The following DSE variants were observed in gnomAD, a reference collection of about 807,000 sequenced individuals.
The protein encoded by DSE is dermatan-sulfate epimerase.
Under a neutral mutation model 84.4 loss-of-function variants are expected in DSE, and 36 were observed. The ratio of observed to expected loss-of-function variants is 0.43; its 90% CI spans 0.33 to 0.56. The LOEUF (loss-of-function observed/expected upper bound fraction) is 0.56, where lower values mean the gene tolerates loss of function less well. DSE is among the 20% of genes least tolerant of loss of function. DSE has a pLI of 0.06. For synonymous variants in DSE, 410 were observed against 430.1 expected, an observed-to-expected ratio of 0.95 and a Z score of 0.58; for missense variants, 862 against 1,169.6, an observed-to-expected ratio of 0.74 and a Z score of 3.84.
At chr6:116,414,966 T>C (rs960356662) in intron 2 of DSE, among the ~76,000 whole-genome samples, 1 of 152,248 alleles carries the variant, frequency 6.6e-6, no homozygotes, top group Admixed American at 6.5e-5. Flanking sequence ...TTTGAAGAAG[T>C]AATGCTGCAT....
At chr6:116,322,168 C>T (rs1042902301) in intron 2 of DSE, among the ~76,000 whole-genome samples, 1 of 151,964 alleles carries the variant, frequency 6.6e-6, no homozygotes, top group Non-Finnish European at 1.5e-5. Context: ...TAGATCAGAA[C>T]AAAACAGGAT....
chr6:116,417,976 G>A (rs891477864), intron 2 of DSE, among the ~76,000 whole-genome samples: 3 of 152,160 alleles, frequency 2.0e-5, no homozygotes, highest in Non-Finnish European at 4.4e-5. Flanking sequence ...TTGTACAGAG[G>A]TGAATAGGCA....
In DSE at chr6:116,282,436, A is replaced by G. The variant is rs1264402953; in HGVS notation, c.-54+23469A>G. Among the ~76,000 whole-genome samples, 4 of 152,168 alleles carry G rather than the reference A, an allele frequency of 2.6e-5. No individual in the cohort carries two copies. In the East Asian group the frequency reaches 7.7e-4, roughly 29 times the overall value. On this transcript the variant is annotated intron_variant, in intron 2 of 3. Transcript: ENST00000430252. ...GGCTTTATTTGTCAAAGAAGCCATT[A>G]TGTAATTAATGTAATTAACACTCTT...
At chr6:116,409,589 T>C (rs564662321) in intron 2 of DSE, among the ~76,000 whole-genome samples, 3 of 152,316 alleles carry the variant, frequency 2.0e-5, no homozygotes, top group Non-Finnish European at 4.4e-5. Context: ...AATATAAGTT[T>C]ATTGTATACT....
intron 2 of DSE, among the ~76,000 whole-genome samples, chr6:116,406,890 C>T (rs1303751281): frequency 1.3e-5 from 2 of 152,068 alleles, no homozygotes; most frequent in Admixed American, 6.5e-5. Flanking sequence ...GTTTAGAAAG[C>T]TTTCTGTTTA....
At chr6:116,329,140 A>G (rs938244249) in intron 2 of DSE, among the ~76,000 whole-genome samples, 2 of 152,216 alleles carry the variant, frequency 1.3e-5, no homozygotes, top group African/African-American at 2.4e-5. Flanking sequence ...ATTACTTATT[A>G]TTTAATAAAC....
intron 2 of DSE, among the ~76,000 whole-genome samples, chr6:116,292,090 A>G (rs1244408198): frequency 1.3e-5 from 2 of 152,168 alleles, no homozygotes; most frequent in Non-Finnish European, 2.9e-5. Flanking sequence ...GTTTACAGTT[A>G]GACTTGGAAA....
intron 2 of DSE, among the ~76,000 whole-genome samples, chr6:116,337,442 T>C (rs1425727362): frequency 6.6e-6 from 1 of 152,144 alleles, no homozygotes; most frequent in East Asian, 1.9e-4. Flanking sequence ...AAACACCGTC[T>C]CTACTAAAAC....
chr6:116,355,016 CACAT>C (rs747426887), intron 2 of DSE, among the ~76,000 whole-genome samples: 37 of 152,290 alleles, frequency 2.4e-4, no homozygotes, highest in Non-Finnish European at 4.4e-4. Context: ...TTTACATAGA[CACAT>C]ACATATATAA....
intron 1 of DSE, among the ~76,000 whole-genome samples, chr6:116,374,550 A>G (rs568901999): frequency 1.3e-5 from 2 of 152,268 alleles, no homozygotes; most frequent in East Asian, 1.9e-4. Flanking sequence ...TCTATTTCCT[A>G]TTGTTTATAA....
chr6:116,388,942 A>G (rs748644272), intron 1 of DSE, among the ~76,000 whole-genome samples: 16 of 152,214 alleles, frequency 1.1e-4, no homozygotes, highest in Non-Finnish European at 2.2e-4. Flanking sequence ...CAAATATTCT[A>G]TATTTCTCAA....
chr6:116,433,269 A>G (rs748077741), intron 4 of DSE, 74 bp from the exon 5 acceptor site: 57 of 1,399,326 alleles, frequency 4.1e-5, no homozygotes, highest in Non-Finnish European at 5.3e-5. Context: ...TAGATTTGAA[A>G]AGTCATTGTT....
intron 2 of DSE, among the ~76,000 whole-genome samples, chr6:116,332,485 TGAATA>T (rs1211592659): frequency 6.6e-6 from 1 of 151,984 alleles, no homozygotes; most frequent in African/African-American, 2.4e-5. Flanking sequence ...AAGACACTCT[TGAATA>T]GGAGGGAAAA....
intron 2 of DSE, among the ~76,000 whole-genome samples, chr6:116,310,373 T>TC (rs1183344770): frequency 2.2e-5 from 3 of 138,632 alleles, no homozygotes; most frequent in African/African-American, 8.2e-5. Flanking sequence ...AAAATAATTC[T>TC]TTTTTTTTTC....
rs557007517 is a variant in DSE at position 116,284,062 on chromosome 6, C to T, written c.-54+25095C>T. ...AATTGACAATAAACTTCACTACCCCCAAAGATAGTTGAATCTTTTCTAATA... is the reference window on the plus strand; with the variant it reads ...AATTGACAATAAACTTCACTACCCCTAAAGATAGTTGAATCTTTTCTAATA... On this transcript the variant is annotated intron_variant, in intron 2 of 3. Transcript: ENST00000430252. 2.6e-3 allele frequency among the ~76,000 whole-genome samples: 396 copies of T among 152,216 alleles called. 1 individual carries two copies. The highest frequency in any genetic ancestry group is 6.2e-3 in the South Asian group (30 of 4,820).
chr6:116,263,062 G>A (rs1772480188), intron 2 of DSE, among the ~76,000 whole-genome samples: 1 of 152,194 alleles, frequency 6.6e-6, no homozygotes, highest in African/African-American at 2.4e-5. Context: ...TATATGCCAT[G>A]TGGGAATGAG....
chr6:116,422,329 G>C (rs544550427), intron 2 of DSE, among the ~76,000 whole-genome samples: 2 of 152,334 alleles, frequency 1.3e-5, no homozygotes, highest in African/African-American at 4.8e-5. Flanking sequence ...CCAGTTGAAA[G>C]CTCCAAGTTT....
chr6:116,325,183 G>A (rs1030608179), intron 2 of DSE, among the ~76,000 whole-genome samples: 1 of 152,198 alleles, frequency 6.6e-6, no homozygotes, highest in Non-Finnish European at 1.5e-5. Flanking sequence ...ACTGGGAAAA[G>A]GTGGATTTTC....
At chr6:116,254,735 G>T (rs1772071333) in intron 1 of DSE, 1 of 153,910 alleles carries the variant, frequency 6.5e-6, no homozygotes, top group African/African-American at 2.4e-5. Flanking sequence ...TCCTTACGTA[G>T]AGGTGACTGG....
Sources: gnomAD v4.1 joint callset for allele counts (sites outside exome capture counted in the v4.1 genomes callset) on GRCh38, gnomAD v4.1.1 for gene constraint, MANE v1.5 for transcripts, NCBI Gene and HGNC (gene_info 2026-07-23, HGNC 2026-07-21) for gene names.